The following PHKB variants were observed in gnomAD, a reference collection of about 807,000 sequenced individuals.
PHKB encodes phosphorylase b kinase regulatory subunit beta.
PHKB carries 122 observed loss-of-function variants against 152.1 expected under a neutral mutation model. That is an observed-to-expected ratio of 0.80 (90% CI 0.69 to 0.93). The LOEUF (loss-of-function observed/expected upper bound fraction) is 0.93. PHKB is among the 40% of genes least tolerant of loss of function. PHKB has a pLI of 0.00. For synonymous variants in PHKB, 436 were observed against 464.9 expected (o/e 0.94, Z 0.80); for missense variants, 1,304 against 1,328.4 (o/e 0.98, Z 0.29).
At chr16:47,535,114 T>G (rs1051877408) in intron 6 of PHKB, among the ~76,000 whole-genome samples, 1 of 152,162 alleles carries the variant, frequency 6.6e-6, no homozygotes, top group Non-Finnish European at 1.5e-5. Context: ...GTGTGTGAAA[T>G]CATAAAAACC....
chr16:47,639,090 C>T (rs1347441833), intron 14 of PHKB, among the ~76,000 whole-genome samples: 1 of 152,062 alleles, frequency 6.6e-6, no homozygotes, highest in Non-Finnish European at 1.5e-5. Flanking sequence ...GTCTTGGCAA[C>T]ATGGTGAAAC....
chr16:47,652,379 CTT>C (rs112153239), intron 20 of PHKB, among the ~76,000 whole-genome samples: 31 of 116,678 alleles, frequency 2.7e-4, no homozygotes, highest in Admixed American at 3.5e-4. Flanking sequence ...CTCTAGTGGT[CTT>C]TTTTTTTTTT....
chr16:47,600,255 G>A (rs187279674), intron 13 of PHKB, among the ~76,000 whole-genome samples: 1 of 152,012 alleles, frequency 6.6e-6, no homozygotes, highest in African/African-American at 2.4e-5. Context: ...TCCCCACTGT[G>A]CTCTTAAAAA....
intron 6 of PHKB, among the ~76,000 whole-genome samples, chr16:47,540,148 G>C (rs992519567): frequency 6.6e-6 from 1 of 152,022 alleles, no homozygotes; most frequent in South Asian, 2.1e-4. Context: ...TCTATAAACG[G>C]CCACTGTGGG....
intron 8 of PHKB, among the ~76,000 whole-genome samples, chr16:47,584,225 A>G (rs913569702): frequency 6.6e-6 from 1 of 152,138 alleles, no homozygotes; most frequent in Non-Finnish European, 1.5e-5. Context: ...ATAATCCTCA[A>G]TATGGGAATC....
At chr16:47,537,640 A>C (rs911565707) in intron 6 of PHKB, among the ~76,000 whole-genome samples, 4 of 152,184 alleles carry the variant, frequency 2.6e-5, no homozygotes, top group Non-Finnish European at 5.9e-5. Flanking sequence ...TTTATTGAAC[A>C]GTAGTCAAAG....
At chr16:47,666,368 A>G (rs1407749946) in intron 25 of PHKB, among the ~76,000 whole-genome samples, 2 of 152,186 alleles carry the variant, frequency 1.3e-5, no homozygotes. Flanking sequence ...GTGAACAGCA[A>G]AGGGCGCATC....
intron 24 of PHKB, 156 bp downstream of exon 24, chr16:47,663,890 A>G (rs1270440912): frequency 1.5e-6 from 1 of 663,326 alleles, no homozygotes; most frequent in East Asian, 2.7e-5. Flanking sequence ...CCTATGTAGC[A>G]TGTCTGTCCC....
chr16:47,605,028 T>C lies in PHKB; in HGVS notation c.1364-5798T>C, dbSNP rs532789407. ...TGAATTGGCACAATAAAGAACTCTA[T>C]TTTTGCCTCCTGAATGATAAAAATC... is the stretch of plus-strand genomic sequence containing the variant. On this transcript the variant is annotated intron_variant, in intron 13 of 30. Coordinates refer to ENST00000323584, the MANE Select transcript of PHKB (RefSeq NM_000293.3). Among the ~76,000 whole-genome samples, 18 of 152,318 alleles carry C rather than the reference T, an allele frequency of 1.2e-4. No homozygotes were observed. In the South Asian group the frequency reaches 3.7e-3, roughly 32 times the overall value.
chr16:47,473,397 T>G (rs1969814549), intron 1 of PHKB, among the ~76,000 whole-genome samples: 1 of 151,924 alleles, frequency 6.6e-6, no homozygotes, highest in Non-Finnish European at 1.5e-5. Flanking sequence ...TTTGAATACA[T>G]TCATACTTGT....
At chr16:47,555,770 T>C (rs1455929690) in intron 7 of PHKB, among the ~76,000 whole-genome samples, 1 of 152,220 alleles carries the variant, frequency 6.6e-6, no homozygotes, top group East Asian at 1.9e-4. Context: ...TCGTTTTTGG[T>C]TCCATATGAA....
At chr16:47,647,160 G>T (rs943910823) in intron 16 of PHKB, among the ~76,000 whole-genome samples, 1 of 151,506 alleles carries the variant, frequency 6.6e-6, no homozygotes, top group Non-Finnish European at 1.5e-5. Flanking sequence ...TTTCTCTCTT[G>T]TCGCCCAGAC....
chr16:47,549,264 A>T (rs1261482869), intron 7 of PHKB, among the ~76,000 whole-genome samples: 2 of 152,184 alleles, frequency 1.3e-5, no homozygotes, highest in Non-Finnish European at 2.9e-5. Context: ...TGATTTTTAA[A>T]ATTTACCTTT....
intron 14 of PHKB, among the ~76,000 whole-genome samples, chr16:47,614,940 C>T (rs961378369): frequency 6.6e-6 from 1 of 152,150 alleles, no homozygotes; most frequent in Non-Finnish European, 1.5e-5. Flanking sequence ...TCTTAGTTTT[C>T]CTTTGTCTGA....
chr16:47,679,377 C>T lies in PHKB; in HGVS notation c.2631-9664C>T, dbSNP rs150220919. Among the ~76,000 whole-genome samples the T allele has an allele frequency of 6.9e-3, 1,050 of 152,262 alleles. 39 individuals carry two copies. In the East Asian group the frequency reaches 0.12, roughly 18 times the overall value. ...ACCTTGGGCACTATGGCCATTTTCA[C>T]GATATTGATTCTTCCTACTCATGAG... On this transcript the variant is annotated intron_variant, in intron 26 of 30. Coordinates refer to ENST00000323584, the MANE Select transcript of PHKB (RefSeq NM_000293.3).
chr16:47,572,487 A>G (rs1414714337), intron 7 of PHKB, among the ~76,000 whole-genome samples: 1 of 152,168 alleles, frequency 6.6e-6, no homozygotes, highest in Non-Finnish European at 1.5e-5. Flanking sequence ...TCTATAGTCA[A>G]CCATCTGGAG....
At chr16:47,548,654 A>G (rs1015727571) in intron 7 of PHKB, among the ~76,000 whole-genome samples, 2 of 151,964 alleles carry the variant, frequency 1.3e-5, no homozygotes, top group African/African-American at 4.8e-5. Context: ...GTTGAGAGGA[A>G]CCCAAAGTGT....
intron 6 of PHKB, among the ~76,000 whole-genome samples, chr16:47,532,002 G>A (rs912868329): frequency 1.2e-4 from 18 of 152,160 alleles, no homozygotes; most frequent in African/African-American, 3.6e-4. Flanking sequence ...GAAGACATTT[G>A]TAACACAGGT....
chr16:47,571,493 T>G (rs1971657521), intron 7 of PHKB, among the ~76,000 whole-genome samples: 1 of 152,116 alleles, frequency 6.6e-6, no homozygotes, highest in East Asian at 1.9e-4. Context: ...CATCCCTATA[T>G]TCTGGACATT....
Sources: gnomAD v4.1 joint callset for allele counts (sites outside exome capture counted in the v4.1 genomes callset) on GRCh38, gnomAD v4.1.1 for gene constraint, MANE v1.5 for transcripts, NCBI Gene and HGNC (gene_info 2026-07-23, HGNC 2026-07-21) for gene names.